The following CLCA1 variants were observed in gnomAD, a reference collection of about 807,000 sequenced individuals.
CLCA1 encodes the protein chloride channel accessory 1, also known as calcium-activated chloride channel regulator 1.
CLCA1 carries 59 observed loss-of-function variants against 85.6 expected under a neutral mutation model. The ratio of observed to expected loss-of-function variants is 0.69; its 90% CI spans 0.56 to 0.86. The LOEUF (loss-of-function observed/expected upper bound fraction) is 0.86. CLCA1 is among the 40% of genes least tolerant of loss of function. The probability of loss-of-function intolerance (pLI) is 0.00; values close to 1 mark genes in which losing one functional copy is unlikely to be tolerated. For synonymous variants in CLCA1, 396 were observed against 398.3 expected, an observed-to-expected ratio of 0.99 and a Z score of 0.07; for missense variants, 1,022 against 1,101.4, an observed-to-expected ratio of 0.93 and a Z score of 1.02.
chr1:86,476,638 G>A, intron 4 of CLCA1, 85 bp downstream of exon 4: 2 of 589,942 alleles, frequency 3.4e-6, no homozygotes, highest in Non-Finnish European at 6.0e-6. Context: ...AAAAATGTGT[G>A]TCCTGGCTTA....
chr1:86,469,629 A>G lies in CLCA1; in HGVS notation c.162+496A>G, dbSNP rs1647444394. 2.0e-5 allele frequency among the ~76,000 whole-genome samples: 3 copies of G among 152,168 alleles called. No homozygotes were observed. In the South Asian group the frequency reaches 6.2e-4, roughly 32 times the overall value. On this transcript the variant is annotated intron_variant, in intron 1 of 13. Coordinates refer to ENST00000394711, the MANE Select transcript of CLCA1 (RefSeq NM_001285.4). Reference sequence around the variant, plus strand: ...CTGATGGGAGAAAACCTTGCATTTTATCAGTCCCAATTCAAGGGATCCTTT... The same window carrying G: ...CTGATGGGAGAAAACCTTGCATTTTGTCAGTCCCAATTCAAGGGATCCTTT...
Position 86,491,905 on chromosome 1 carries a change from C to CT in CLCA1, c.1464+536dup, listed in dbSNP as rs3835430. Among the ~76,000 whole-genome samples, 5,446 of 152,294 alleles carry CT rather than the reference C, an allele frequency of 0.036. 679 individuals carry two copies. In the East Asian group the frequency reaches 0.43, roughly 12 times the overall value. ...TTAACTATGTGACCTAGGCAAAGAA[C>CT]TTCACCTCTGTGGACCTTCATTTCT... On this transcript the variant is annotated intron_variant, in intron 9 of 13. Transcript: ENST00000394711.
At chr1:86,479,063 A>G (rs1384028540) in intron 4 of CLCA1, among the ~76,000 whole-genome samples, 1 of 152,232 alleles carries the variant, frequency 6.6e-6, no homozygotes, top group Non-Finnish European at 1.5e-5. Flanking sequence ...AAAACTGGGG[A>G]TGTAAAAAGA....
chr1:86,481,582 C>T (rs1222997367), intron 4 of CLCA1, among the ~76,000 whole-genome samples: 2 of 152,074 alleles, frequency 1.3e-5, no homozygotes, highest in Non-Finnish European at 2.9e-5. Context: ...AACAGTAGCT[C>T]ATTTCTGATG....
At chr1:86,499,166 C>A (rs1345208276) in intron 13 of CLCA1, among the ~76,000 whole-genome samples, 1 of 152,198 alleles carries the variant, frequency 6.6e-6, no homozygotes, top group African/African-American at 2.4e-5. Context: ...TTGGAAGGAA[C>A]CTCAGGTCCT....
At position 86,500,089 on chromosome 1, in the gene CLCA1, T is replaced by C; in HGVS notation, c.*44T>C. On this transcript the variant is annotated 3_prime_UTR_variant, in exon 14 of 14. Coordinates refer to ENST00000394711, the MANE Select transcript of CLCA1 (RefSeq NM_001285.4). The stretch of plus-strand genomic sequence containing the variant: ...TAAATAAAATAAATCATTCATCCTT[T>C]TTTTTGATTATAAAATTTTCTAAAA... 7.2e-7 allele frequency: 1 copy of C among 1,380,754 alleles called. No individual in the cohort carries two copies. Among genetic ancestry groups the C allele is most frequent in the South Asian group, 1.3e-5 (1 of 76,610 alleles). 85.5% of individuals were successfully genotyped at this position (1,380,754 alleles called of 1,614,324 possible).
rs145995081 is a variant in CLCA1, at chr1:86,470,716, A to G, written c.162+1583A>G. Among the ~76,000 whole-genome samples the G allele has an allele frequency of 2.8e-4, 42 of 152,276 alleles. 1 individual carries two copies. In the East Asian group the frequency reaches 7.9e-3, roughly 29 times the overall value. ...GTAACAAGAACACTTTAGTGAATAG[A>G]ATGCTCAAAGTCCCTAACTCCTTCC... On this transcript the variant is annotated intron_variant, in intron 1 of 13. Coordinates refer to ENST00000394711, the MANE Select transcript of CLCA1 (RefSeq NM_001285.4).
At position 86,473,420 on chromosome 1, in the gene CLCA1, A is replaced by G. The variant is rs771786496; in HGVS notation, c.166A>G (p.Met56Val). The G allele has an allele frequency of 1.2e-5, 19 of 1,565,744 alleles. No individual in the cohort carries two copies. Among genetic ancestry groups the G allele is most frequent in the Admixed American group, 1.1e-4 (6 of 55,370 alleles). ...DETLIQQIKD[M>V]VTQASLYLLE... ...TATGTTTTCTTTTTCTTCCCAGGACATGGTGACCCAGGCATCTCTGTATCT... is the reference window on the plus strand; with the variant it reads ...TATGTTTTCTTTTTCTTCCCAGGACGTGGTGACCCAGGCATCTCTGTATCT... The change falls in exon 2 of 14, where the codon ATG becomes GTG. Residue 56 changes from methionine to valine, a missense_variant. Met to Val is a conservative substitution (Grantham distance 21, BLOSUM62 1). Coordinates refer to ENST00000394711, the MANE Select transcript of CLCA1 (RefSeq NM_001285.4).
At chr1:86,484,882 G>A (rs369181282) in intron 5 of CLCA1, among the ~76,000 whole-genome samples, 3 of 152,170 alleles carry the variant, frequency 2.0e-5, no homozygotes, top group East Asian at 3.9e-4. Context: ...AACATGTGGA[G>A]TTTGAGGCGC....
intron 4 of CLCA1, among the ~76,000 whole-genome samples, chr1:86,480,320 C>G (rs1647783401): frequency 6.6e-6 from 1 of 152,118 alleles, no homozygotes; most frequent in South Asian, 2.1e-4. Flanking sequence ...ACATAAAGAG[C>G]TTTTGAAAAA....
chr1:86,488,789 C>T (rs2753337), intron 7 of CLCA1, among the ~76,000 whole-genome samples: 122,842 of 152,166 alleles, frequency 0.81, 49,600 homozygotes, highest in South Asian at 0.89. Context: ...TGCAGCAGAC[C>T]AGCCAAGGGG....
chr1:86,493,728 G>T, intron 10 of CLCA1, 129 bp downstream of exon 10: 1 of 711,288 alleles, frequency 1.4e-6, no homozygotes, highest in South Asian at 2.0e-5. Context: ...AAGAGAGAAC[G>T]AGGAAAAAAA....
chr1:86,488,848 A>G, intron 7 of CLCA1, 148 bp from the exon 8 acceptor site: 1 of 631,426 alleles, frequency 1.6e-6, no homozygotes, highest in South Asian at 2.0e-5. Flanking sequence ...AGATTGTATC[A>G]TTTCAAGACA....
chr1:86,489,196 C>T (rs748153358), intron 8 of CLCA1, 26 bp downstream of exon 8: 238 of 1,602,964 alleles, frequency 1.5e-4, no homozygotes, highest in Middle Eastern at 1.8e-4. Flanking sequence ...CTGAGACCCC[C>T]GGTATTGTCT....
chr1:86,495,021 AAG>A (rs2101747280), intron 11 of CLCA1, among the ~76,000 whole-genome samples: 1 of 147,770 alleles, frequency 6.8e-6, no homozygotes, highest in South Asian at 2.2e-4. Context: ...GAGAGAGAGA[AAG>A]AGAATTCTAC....
At chr1:86,485,696 T>A (rs1028469991) in intron 6 of CLCA1, 135 bp downstream of exon 6, 8 of 751,876 alleles carry the variant, frequency 1.1e-5, no homozygotes, top group Admixed American at 2.5e-5. Flanking sequence ...TCTTCAGAAA[T>A]GCCCACTTCA....
Position 86,485,485 on chromosome 1 carries a change from C to A in CLCA1, c.878C>A (p.Pro293Gln), listed in dbSNP as rs766538794. The A allele has an allele frequency of 6.2e-7, 1 of 1,614,130 alleles. No homozygotes were observed. The highest frequency in any genetic ancestry group is 8.5e-7 in the Non-Finnish European group (1 of 1,180,008). ...KKTTPMTTQP[P>Q]NPTFSLLQIG... ...ACCACTCCTATGACAACACAGCCAC[C>A]AAATCCCACCTTCTCATTGCTGCAG... The change falls in exon 6 of 14, where the codon CCA becomes CAA. Residue 293 changes from proline (P) to glutamine (Q), a missense_variant. Physicochemically the swap from Pro to Gln is moderately conservative, Grantham distance 76 (BLOSUM62 -1). Transcript: ENST00000394711.
At chr1:86,477,766 A>G (rs908591799) in intron 4 of CLCA1, among the ~76,000 whole-genome samples, 1 of 152,246 alleles carries the variant, frequency 6.6e-6, no homozygotes, top group Non-Finnish European at 1.5e-5. Flanking sequence ...TATATGAAGA[A>G]AAGAAGAAAA....
chr1:86,498,120 A>G (rs1020582640), intron 12 of CLCA1, among the ~76,000 whole-genome samples: 9 of 151,042 alleles, frequency 6.0e-5, no homozygotes, highest in African/African-American at 1.7e-4. Flanking sequence ...CCTGGATGAC[A>G]AGAGCGAAAC....
Sources: gnomAD v4.1 joint callset for allele counts (sites outside exome capture counted in the v4.1 genomes callset) on GRCh38, gnomAD v4.1.1 for gene constraint, MANE v1.5 for transcripts, NCBI Gene and HGNC (gene_info 2026-07-23, HGNC 2026-07-21) for gene names.